The following CLASRP variants were observed in gnomAD, a reference collection of about 807,000 sequenced individuals.
CLASRP encodes CLK4 associating serine/arginine rich protein.
Under a neutral mutation model 99.9 loss-of-function variants are expected in CLASRP, and 52 were observed. The observed-to-expected ratio is 0.52, with a 90% CI of 0.42 to 0.66. The LOEUF (loss-of-function observed/expected upper bound fraction) is 0.66, where lower values mean the gene tolerates loss of function less well. CLASRP is among the 30% of genes least tolerant of loss of function. CLASRP has a pLI of 0.00. For synonymous variants in CLASRP, 379 were observed against 373.0 expected, an observed-to-expected ratio of 1.02 and a Z score of -0.18; for missense variants, 848 against 999.2, an observed-to-expected ratio of 0.85 and a Z score of 2.04.
rs771355999 is a variant in CLASRP, at chr19:45,067,569, C to G, written c.1642C>G (p.Pro548Ala). ...GAAGCTGACCAGGCCGGCCGCGTCC[C>G]CTGCTGTGGGCGAGAAGCTGAAAAA... ...REKLTRPAAS[P>A]AVGEKLKKTE... Residue 548 changes from proline (P) to alanine (A), a missense_variant, in exon 14 of 21, where the codon CCT becomes GCT. Coordinates refer to ENST00000221455, the MANE Select transcript of CLASRP (RefSeq NM_007056.3). This position sits in a 1 kb window ranked among gnomAD's most constrained non-coding sequence, Gnocchi z 4.9. The G allele has an allele frequency of 6.2e-7, 1 of 1,602,722 alleles. No homozygotes were observed. The highest frequency in any genetic ancestry group is 8.5e-7 in the Non-Finnish European group (1 of 1,176,628).
Position 45,057,964 on chromosome 19 carries a change from A to G in CLASRP, c.613+66A>G, listed in dbSNP as rs186818738. ...GCATCGTTTCTGTGTCTCGTCCCTC[A>G]CCCTCTGTGGGGCACCCCGTGCTTA... On this transcript the variant is annotated intron_variant, in intron 7 of 20. Coordinates refer to ENST00000221455, the MANE Select transcript of CLASRP (RefSeq NM_007056.3). The G allele has an allele frequency of 4.3e-4, 689 of 1,591,900 alleles. 3 individuals carry two copies. The African/African-American group carries it at 8.1e-3, about 19-fold the overall frequency.
chr19:45,062,796 G>A (rs978501460), intron 11 of CLASRP, among the ~76,000 whole-genome samples: 4 of 152,196 alleles, frequency 2.6e-5, no homozygotes, highest in Non-Finnish European at 5.9e-5. Context: ...GAGAAATCAA[G>A]TCACTTTAAT....
chr19:45,054,627 C>T (rs1177892289), intron 5 of CLASRP, among the ~76,000 whole-genome samples: 4 of 152,174 alleles, frequency 2.6e-5, no homozygotes. Flanking sequence ...TGTCCTTAAC[C>T]ACTGCTCCCT....
rs950490221 is a variant in CLASRP at position 45,067,087 on chromosome 19, G to C, written c.1410-250G>C. 6.6e-6 allele frequency among the ~76,000 whole-genome samples: 1 copy of C among 152,214 alleles called. No individual in the cohort carries two copies. The highest frequency in any genetic ancestry group is 1.9e-4 in the East Asian group (1 of 5,194). On this transcript the variant is annotated intron_variant, in intron 13 of 20. Transcript: ENST00000221455. This position sits in a 1 kb window ranked among gnomAD's most constrained non-coding sequence, Gnocchi z 4.9. ...GGGTGTCTAGTGAGGGAGAGGTGAC[G>C]TGGGCCAGGCAGGGCTCATGATGGC...
At chr19:45,051,355 C>T (rs577526427) in intron 2 of CLASRP, among the ~76,000 whole-genome samples, 9 of 151,892 alleles carry the variant, frequency 5.9e-5, no homozygotes, top group African/African-American at 2.2e-4. Flanking sequence ...GCTCTGTTGC[C>T]CAGGCTAGAG....
In CLASRP at chr19:45,070,557, C is replaced by A. The variant is rs796495801; in HGVS notation, c.1978C>A (p.Arg660=). Residue 660 remains arginine (R), a synonymous_variant, in exon 20 of 21, where the codon CGA becomes AGA. Coordinates refer to ENST00000221455, the MANE Select transcript of CLASRP (RefSeq NM_007056.3). ...PRYSREYSSS[R]RRSRSRSRSP... ...TCCAGGTCGAGAATACAGCTCTTCT[C>A]GAAGGTAAGGAAGCCCATGACCCTC... 3.1e-6 allele frequency: 5 copies of A among 1,613,640 alleles called. No homozygotes were observed. Among genetic ancestry groups the A allele is most frequent in the African/African-American group, 1.3e-5 (1 of 74,968 alleles).
intron 6 of CLASRP, 49 bp downstream of exon 6, chr19:45,056,583 G>C (rs1215048688): frequency 6.6e-7 from 1 of 1,512,354 alleles, no homozygotes; most frequent in African/African-American, 1.4e-5. Flanking sequence ...GGAGGGCTGG[G>C]AGCCCCAGCC....
chr19:45,068,439 A>G lies in CLASRP; in HGVS notation c.1727A>G (p.Glu576Gly). 6.3e-7 allele frequency: 1 copy of G among 1,594,980 alleles called. No individual in the cohort carries two copies. The highest frequency in any genetic ancestry group is 8.6e-7 in the Non-Finnish European group (1 of 1,168,266). Residue 576 changes from glutamate (E) to glycine (G), a missense_variant, in exon 16 of 21, where the codon GAG becomes GGG. This residue lies in a region of CLASRP where 116 missense variants were observed against 162.7 expected (regional missense o/e 0.71). Coordinates refer to ENST00000221455, the MANE Select transcript of CLASRP (RefSeq NM_007056.3). ...CCCCAGCCCAAGCTGACGCCTCAGGAGAAGCTGAAACTGAGGATGCAGAAG... is the reference window on the plus strand; with the variant it reads ...CCCCAGCCCAAGCTGACGCCTCAGGGGAAGCTGAAACTGAGGATGCAGAAG... ...GAAKPKLTPQ[E>G]KLKLRMQKAL...
intron 2 of CLASRP, among the ~76,000 whole-genome samples, chr19:45,041,150 G>C (rs564179856): frequency 4.0e-5 from 6 of 151,706 alleles, no homozygotes; most frequent in African/African-American, 1.5e-4. Flanking sequence ...GAACCGGGGA[G>C]GGGGGCAGAG....
intron 5 of CLASRP, among the ~76,000 whole-genome samples, chr19:45,054,308 G>A (rs1024277882): frequency 6.6e-6 from 1 of 152,140 alleles, no homozygotes; most frequent in Admixed American, 6.5e-5. Context: ...GGCATGCAGT[G>A]GCGCAATCTC....
intron 15 of CLASRP, 25 bp downstream of exon 15, chr19:45,068,079 C>A (rs776768650): frequency 6.2e-7 from 1 of 1,611,638 alleles, no homozygotes; most frequent in South Asian, 1.1e-5. Flanking sequence ...GGAACTCGCC[C>A]GTCTAATTCC....
In CLASRP at chr19:45,067,601, G is replaced by C. The variant is rs1316114451; in HGVS notation, c.1667+7G>C. 1 of 1,586,526 alleles carries C rather than the reference G, an allele frequency of 6.3e-7. No individual in the cohort carries two copies. Among genetic ancestry groups the C allele is most frequent in the East Asian group, 2.2e-5 (1 of 44,486 alleles). On this transcript the variant is annotated splice_region_variant and intron_variant, in intron 14 of 20. Coordinates refer to ENST00000221455, the MANE Select transcript of CLASRP (RefSeq NM_007056.3). The surrounding 1 kb of genome is among the most constrained non-coding windows in gnomAD (Gnocchi z 4.9). ...TGGGCGAGAAGCTGAAAAAGTGAGC[G>C]GGGCGGGTCTGGAGGAAGAGGGCTG...
Position 45,067,639 on chromosome 19 carries a change from G to A in CLASRP, c.1667+45G>A, listed in dbSNP as rs1391769132. 2.6e-6 allele frequency: 4 copies of A among 1,518,128 alleles called. No individual in the cohort carries two copies. Among genetic ancestry groups the A allele is most frequent in the Admixed American group, 1.9e-5 (1 of 54,026 alleles). 94.0% of individuals were successfully genotyped at this position (1,518,128 alleles called of 1,614,324 possible). On this transcript the variant is annotated intron_variant, in intron 14 of 20. Coordinates refer to ENST00000221455, the MANE Select transcript of CLASRP (RefSeq NM_007056.3). The surrounding 1 kb of genome is among the most constrained non-coding windows in gnomAD (Gnocchi z 4.9). ...AGGAAGAGGGCTGCCAATCTCGGGT[G>A]GGGAGGGTGAACATCACTGTTTTCT...
chr19:45,067,446 A>G lies in CLASRP; in HGVS notation c.1519A>G (p.Ser507Gly). The change falls in exon 14 of 21, where the codon AGC becomes GGC. Residue 507 changes from serine (S) to glycine (G), a missense_variant. Around this residue, in one of 8 missense-constraint regions of CLASRP, gnomAD observed 489 missense variants for 434.7 expected, o/e 1.12. Transcript: ENST00000221455. The surrounding 1 kb of genome is among the most constrained non-coding windows in gnomAD (Gnocchi z 4.9). ...GTCCCTCAGCCCGTCCCGCAGTCGC[A>G]GCCTGACTCGCAGCCGCAGCCATAG... ...SWSLSPSRSR[S>G]LTRSRSHSPS... is the part of the protein sequence containing the mutation. 1 of 1,543,352 alleles carries G rather than the reference A, an allele frequency of 6.5e-7. No individual in the cohort carries two copies.
chr19:45,049,534 G>GC (rs1337549646), intron 2 of CLASRP, among the ~76,000 whole-genome samples: 4 of 152,332 alleles, frequency 2.6e-5, no homozygotes, highest in South Asian at 4.1e-4. Flanking sequence ...GTTGAAACTA[G>GC]CCAGGTATTA....
chr19:45,046,202 G>C (rs929470654), intron 2 of CLASRP, among the ~76,000 whole-genome samples: 1 of 152,140 alleles, frequency 6.6e-6, no homozygotes, highest in African/African-American at 2.4e-5. Context: ...GCTGTGGAGC[G>C]AGTGTCAGTG....
Position 45,057,709 on chromosome 19 carries a change from C to T in CLASRP, c.465-41C>T, listed in dbSNP as rs1402518802. The T allele has an allele frequency of 5.0e-6, 8 of 1,610,976 alleles. No homozygotes were observed. The South Asian group carries it at 8.8e-5, about 18-fold the overall frequency. ...TGGGGCTAGCCTGGGGCCCTCATCT[C>T]CACTGGGCACGGCCCTGGCTTACCA... On this transcript the variant is annotated intron_variant, in intron 6 of 20. Transcript: ENST00000221455.
At position 45,053,083 on chromosome 19, in the gene CLASRP, C is replaced by T. The variant is rs781335579; in HGVS notation, c.300-15C>T. On this transcript the variant is annotated splice_polypyrimidine_tract_variant and intron_variant, in intron 4 of 20. Coordinates refer to ENST00000221455, the MANE Select transcript of CLASRP (RefSeq NM_007056.3). ...CTCCTTCTCTCTGATTTCAAGGTCT[C>T]GCCCTTCCCTAAAGCTCCCCAGAAC... The T allele has an allele frequency of 8.7e-6, 14 of 1,613,794 alleles. No individual in the cohort carries two copies. The South Asian group carries it at 1.5e-4, about 18-fold the overall frequency.
In CLASRP at chr19:45,064,183, T is replaced by A. The variant is rs776963253; in HGVS notation, c.1077T>A (p.Pro359=). The change falls in exon 12 of 21, where the codon CCT becomes CCA. Residue 359 remains proline, a synonymous_variant. Coordinates refer to ENST00000221455, the MANE Select transcript of CLASRP (RefSeq NM_007056.3). ...SGVTTGKPPA[P]PQPGGPAPGR... Reference sequence around the variant, plus strand: ...TCACCACAGGGAAGCCCCCCGCACCTCCCCAGCCTGGCGGCCCCGCCCCGG... The same window carrying A: ...TCACCACAGGGAAGCCCCCCGCACCACCCCAGCCTGGCGGCCCCGCCCCGG... 1 of 1,605,474 alleles carries A rather than the reference T, an allele frequency of 6.2e-7. No homozygotes were observed. Among genetic ancestry groups the A allele is most frequent in the Admixed American group, 1.7e-5 (1 of 58,966 alleles).
Sources: allele counts gnomAD v4.1 joint callset (sites outside exome capture counted in the v4.1 genomes callset), GRCh38; gene constraint gnomAD v4.1.1; regional missense constraint gnomAD v4.1.1; non-coding constraint Gnocchi (gnomAD v3.1); transcripts MANE v1.5; gene names NCBI Gene and HGNC (gene_info 2026-07-23, HGNC 2026-07-21).